JARID2: variants seen among roughly 807,000 people sequenced by gnomAD.
The protein encoded by JARID2 is protein Jumonji.
In JARID2, 21 loss-of-function variants were observed where a neutral mutation model predicts 125.6. The observed-to-expected ratio is 0.17, with a 90% CI of 0.12 to 0.24. The LOEUF (loss-of-function observed/expected upper bound fraction) is 0.24. Ranked by LOEUF, JARID2 falls within the 10% of genes least tolerant of loss-of-function variation. The pLI is 1.00. For synonymous variants in JARID2, 736 were observed against 661.6 expected, an observed-to-expected ratio of 1.11 and a Z score of -1.73; for missense variants, 1,303 against 1,639.6, an observed-to-expected ratio of 0.79 and a Z score of 3.55.
intron 1 of JARID2, among the ~76,000 whole-genome samples, chr6:15,312,952 G>A (rs1051950203): frequency 1.3e-5 from 2 of 152,150 alleles, no homozygotes; most frequent in African/African-American, 4.8e-5. Flanking sequence ...CCCAAGCCTT[G>A]TTGTTCCGAC....
intron 2 of JARID2, among the ~76,000 whole-genome samples, chr6:15,393,804 A>G (rs1262995840): frequency 6.6e-6 from 1 of 152,210 alleles, no homozygotes; most frequent in East Asian, 1.9e-4. Context: ...CATTTATTTA[A>G]ATGTTTAGTA....
At chr6:15,363,837 G>A (rs370251136) in intron 1 of JARID2, among the ~76,000 whole-genome samples, 5 of 152,166 alleles carry the variant, frequency 3.3e-5, no homozygotes, top group African/African-American at 1.2e-4. Context: ...ATGAAAGGGT[G>A]CCAATCCCAG....
intron 7 of JARID2, 147 bp downstream of exon 7, chr6:15,497,317 TC>T (rs1581646554): frequency 1.5e-6 from 1 of 670,190 alleles, no homozygotes; most frequent in Non-Finnish European, 2.5e-6. Context: ...CTCAGCTCAT[TC>T]CCCCTGCAGC....
At chr6:15,514,316 G>A (rs978252959) in intron 16 of JARID2, among the ~76,000 whole-genome samples, 5 of 152,228 alleles carry the variant, frequency 3.3e-5, no homozygotes, top group African/African-American at 9.6e-5. Flanking sequence ...GAGCATGCCC[G>A]AAGGGCCTGA....
In JARID2 at chr6:15,513,433, C is replaced by A. The variant is rs201516733; in HGVS notation, c.3450+11C>A. The A allele has an allele frequency of 8.3e-3, 13,261 of 1,589,798 alleles. 79 individuals are homozygous for A. Among genetic ancestry groups the A allele is most frequent in the Middle Eastern group, 0.017 (102 of 5,952 alleles). On this transcript the variant is annotated intron_variant, in intron 16 of 17. Transcript: ENST00000341776. Reference sequence around the variant, plus strand: ...TGCTACCTGTCCATGGTGAGCCCGCCTGGCCCTGCCGGCGCCCTCGCATGT... The same window carrying A: ...TGCTACCTGTCCATGGTGAGCCCGCATGGCCCTGCCGGCGCCCTCGCATGT...
intron 2 of JARID2, among the ~76,000 whole-genome samples, chr6:15,391,604 C>T (rs1765012358): frequency 2.0e-5 from 3 of 152,214 alleles, no homozygotes; most frequent in Non-Finnish European, 2.9e-5. Flanking sequence ...TGCAACCATT[C>T]ACTTTGCAAT....
intron 3 of JARID2, among the ~76,000 whole-genome samples, chr6:15,414,525 C>T (rs1288801277): frequency 1.8e-5 from 2 of 110,770 alleles, no homozygotes. Context: ...GCAACTACAA[C>T]AACAACAAAA....
intron 5 of JARID2, among the ~76,000 whole-genome samples, chr6:15,472,733 G>A (rs1482784293): frequency 6.6e-6 from 1 of 152,094 alleles, no homozygotes; most frequent in Non-Finnish European, 1.5e-5. Flanking sequence ...CCTTCTTGCT[G>A]TCCCATTCTG....
chr6:15,385,894 A>C (rs1030542665), intron 2 of JARID2, among the ~76,000 whole-genome samples: 1 of 152,092 alleles, frequency 6.6e-6, no homozygotes, highest in East Asian at 1.9e-4. Flanking sequence ...GCCAGAGGGA[A>C]TGTGCATTCA....
chr6:15,329,426 T>G (rs1195487117), intron 1 of JARID2, among the ~76,000 whole-genome samples: 1 of 152,162 alleles, frequency 6.6e-6, no homozygotes, highest in Non-Finnish European at 1.5e-5. Context: ...GTTTGAAGAT[T>G]ATTGTGCTGA....
At chr6:15,248,210 C>T (rs1759260844) in intron 1 of JARID2, 2 of 487,870 alleles carry the variant, frequency 4.1e-6, no homozygotes, top group East Asian at 1.8e-4. Flanking sequence ...GTCCTCGAGC[C>T]GGCTGCGAAA....
intron 1 of JARID2, among the ~76,000 whole-genome samples, chr6:15,327,000 G>A (rs1226273025): frequency 6.6e-6 from 1 of 152,148 alleles, no homozygotes; most frequent in East Asian, 1.9e-4. Flanking sequence ...TGTTCTTGAG[G>A]AAATGAGGTC....
At chr6:15,382,488 A>G (rs1391980407) in intron 2 of JARID2, among the ~76,000 whole-genome samples, 6 of 152,156 alleles carry the variant, frequency 3.9e-5, no homozygotes, top group Non-Finnish European at 2.9e-5. Context: ...AGTGGGACAA[A>G]TGGCTGCAAT....
At chr6:15,279,182 T>C (rs1760658956) in intron 1 of JARID2, among the ~76,000 whole-genome samples, 1 of 146,484 alleles carries the variant, frequency 6.8e-6, no homozygotes, top group Non-Finnish European at 1.5e-5. Flanking sequence ...TTGCCTTTTG[T>C]TTTCACCACT....
chr6:15,443,622 C>G (rs747347735), intron 3 of JARID2, among the ~76,000 whole-genome samples: 27 of 152,052 alleles, frequency 1.8e-4, no homozygotes, highest in Admixed American at 2.6e-4. Flanking sequence ...TTTTACTTCT[C>G]CAAAATAATC....
At chr6:15,417,328 T>A (rs1766276936) in intron 3 of JARID2, among the ~76,000 whole-genome samples, 1 of 152,176 alleles carries the variant, frequency 6.6e-6, no homozygotes, top group South Asian at 2.1e-4. Flanking sequence ...ATCATACCTG[T>A]TGGGCAGGTT....
intron 4 of JARID2, among the ~76,000 whole-genome samples, chr6:15,464,032 C>T (rs1768589234): frequency 2.0e-5 from 3 of 152,098 alleles, no homozygotes. Context: ...ATTTTAGTTT[C>T]TTAGATGCTT....
chr6:15,303,002 G>A (rs956405130), intron 1 of JARID2, among the ~76,000 whole-genome samples: 6 of 152,156 alleles, frequency 3.9e-5, no homozygotes, highest in African/African-American at 7.2e-5. Flanking sequence ...GGGATTATAG[G>A]CATCAGCGAC....
chr6:15,324,050 C>CG (rs988473017), intron 1 of JARID2, among the ~76,000 whole-genome samples: 3 of 150,580 alleles, frequency 2.0e-5, no homozygotes, highest in Non-Finnish European at 4.4e-5. Context: ...GGCGTGGTGG[C>CG]GGGCGCCTGT....
Sources: gnomAD v4.1 joint callset for allele counts (sites outside exome capture counted in the v4.1 genomes callset) on GRCh38, gnomAD v4.1.1 for gene constraint, MANE v1.5 for transcripts, NCBI Gene and HGNC (gene_info 2026-07-23, HGNC 2026-07-21) for gene names.